The following TF variants were observed in gnomAD, a reference collection of about 807,000 sequenced individuals.
TF encodes the protein transferrin, also known as serotransferrin.
In TF, 55 loss-of-function variants were observed where a neutral mutation model predicts 82.4. That is an observed-to-expected ratio of 0.67 (90% CI 0.54 to 0.84). The LOEUF is 0.84. Ranked by LOEUF, TF falls within the 40% of genes least tolerant of loss-of-function variation. TF has a pLI of 0.00. For missense variants in TF, 737 were observed against 868.4 expected (o/e 0.85, Z 1.90); for synonymous variants, 332 against 332.6 (o/e 1.00, Z 0.02).
intron 9 of TF, 102 bp from the exon 10 acceptor site, chr3:133,764,080 C>A: frequency 1.1e-6 from 1 of 936,548 alleles, no homozygotes; most frequent in South Asian, 1.3e-5. Flanking sequence ...ATCTCCCTGG[C>A]ATTCATGTGC....
rs904852000 is a variant in TF, at chr3:133,755,211, A to G, written c.503-152A>G. The stretch of plus-strand genomic sequence containing the variant: ...AACTTGTTCCTATTAGAAATCCTTG[A>G]TCTTGATGAGTTAGCATAAGGGCAA... On this transcript the variant is annotated intron_variant, in intron 4 of 16. Transcript: ENST00000402696. The G allele has an allele frequency of 3.4e-5, 32 of 931,208 alleles. No individual in the cohort carries two copies. The African/African-American group carries it at 4.8e-4, about 14-fold the overall frequency. 57.7% of individuals were successfully genotyped at this position (931,208 alleles called of 1,614,324 possible).
chr3:133,751,941 C>T (rs576576451), intron 2 of TF, among the ~76,000 whole-genome samples: 3 of 152,006 alleles, frequency 2.0e-5, no homozygotes, highest in Admixed American at 6.5e-5. Flanking sequence ...TTACAGTGAG[C>T]CGAGATTGAG....
intron 14 of TF, among the ~76,000 whole-genome samples, chr3:133,771,828 C>T (rs1475040187): frequency 2.1e-5 from 3 of 145,156 alleles, no homozygotes; most frequent in African/African-American, 7.9e-5. Flanking sequence ...TAAAAACAAA[C>T]AAAACAAAGC....
chr3:133,715,735 T>C, the TF span, among the ~76,000 whole-genome samples: 1 of 152,200 alleles, frequency 6.6e-6, no homozygotes, highest in Non-Finnish European at 1.5e-5. Flanking sequence ...GGTTTTATTA[T>C]TGTTTTTCAA....
the TF span, among the ~76,000 whole-genome samples, chr3:133,674,454 C>CT: frequency 6.6e-6 from 1 of 152,220 alleles, no homozygotes; most frequent in Admixed American, 6.5e-5. Context: ...AAGCTGCTCG[C>CT]TGGCTGCCCC....
the TF span, among the ~76,000 whole-genome samples, chr3:133,675,964 G>A: frequency 6.6e-6 from 1 of 152,102 alleles, no homozygotes; most frequent in African/African-American, 2.4e-5. Flanking sequence ...TGAAAGAAAT[G>A]GGGTTAGAGG....
In TF at chr3:133,790,298, A is replaced by G. The variant is rs1304367464; in HGVS notation, c.*11678A>G. The G allele has an allele frequency of 1.3e-5, 2 of 152,200 alleles. No individual in the cohort carries two copies. The highest frequency in any genetic ancestry group is 3.8e-4 in the East Asian group (2 of 5,200). 9.4% of individuals were successfully genotyped at this position (152,200 alleles called of 1,614,324 possible). On this transcript the variant is annotated 3_prime_UTR_variant, in exon 17 of 17. Transcript: ENST00000402696. ...AAATTCCCATATCTGATAGTTCAGG[A>G]TTTCTAGCTTTTTAGCGTTTCACTA...
At chr3:133,669,233 C>T in the TF span, among the ~76,000 whole-genome samples, 15 of 152,212 alleles carry the variant, frequency 9.9e-5, no homozygotes, top group African/African-American at 2.6e-4. Flanking sequence ...AACTCCTGAC[C>T]TCAGGCGATC....
At chr3:133,696,513 A>C in the TF span, among the ~76,000 whole-genome samples, 1 of 152,180 alleles carries the variant, frequency 6.6e-6, no homozygotes, top group Non-Finnish European at 1.5e-5. Flanking sequence ...TTTAGTGCTC[A>C]GTTTGATTCA....
intron 10 of TF, 41 bp downstream of exon 10, chr3:133,764,316 G>A (rs1291325332): frequency 6.7e-7 from 1 of 1,503,584 alleles, no homozygotes; most frequent in Admixed American, 1.7e-5. Context: ...TCTTCCCTCA[G>A]GGCCATGGAG....
At chr3:133,755,015 C>T (rs1024719485) in intron 4 of TF, among the ~76,000 whole-genome samples, 1 of 152,200 alleles carries the variant, frequency 6.6e-6, no homozygotes, top group Non-Finnish European at 1.5e-5. Flanking sequence ...CTGCACCTCT[C>T]TTAAGCAGTT....
the TF span, among the ~76,000 whole-genome samples, chr3:133,663,524 C>T: frequency 6.6e-6 from 1 of 151,972 alleles, no homozygotes; most frequent in South Asian, 2.1e-4. Context: ...AGGTGCAAAT[C>T]TGACCTGAAT....
chr3:133,793,974 T>C lies in TF; in HGVS notation c.*15354T>C, dbSNP rs146125816. ...TACCAAGAAAATACTTTGCCAGATT[T>C]TCATGCTAAATCAGCTGATACTGAA... On this transcript the variant is annotated 3_prime_UTR_variant, in exon 17 of 17. Transcript: ENST00000402696. 1 of 152,336 alleles carries C rather than the reference T, an allele frequency of 6.6e-6. No homozygotes were observed. The highest frequency in any genetic ancestry group is 2.4e-5 in the African/African-American group (1 of 41,594). 9.4% of individuals were successfully genotyped at this position (152,336 alleles called of 1,614,324 possible).
Position 133,781,943 on chromosome 3 carries a change from T to C in TF, c.*3323T>C, listed in dbSNP as rs1213948787. 3.9e-5 allele frequency: 6 copies of C among 152,024 alleles called. No individual in the cohort carries two copies. Among genetic ancestry groups the C allele is most frequent in the African/African-American group, 1.4e-4 (6 of 41,406 alleles). The allele number at this position is 152,024 out of a possible 1,614,324, so 9.4% of individuals were successfully genotyped here. ...ATACAACAAATTGATAAAGAACTCA[T>C]ACAACTCAATAGCAGGAAAACAAAT... On this transcript the variant is annotated 3_prime_UTR_variant, in exon 17 of 17. Transcript: ENST00000402696.
the TF span, among the ~76,000 whole-genome samples, chr3:133,738,893 G>T: frequency 6.6e-6 from 1 of 152,178 alleles, no homozygotes; most frequent in Non-Finnish European, 1.5e-5. Flanking sequence ...ACTGCCCAAA[G>T]TAATTTACAG....
chr3:133,735,149 T>G, the TF span, among the ~76,000 whole-genome samples: 1 of 152,032 alleles, frequency 6.6e-6, no homozygotes, highest in Admixed American at 6.6e-5. Context: ...AAGACCAGCT[T>G]GGTCAAGATG....
At chr3:133,727,368 G>A in the TF span, among the ~76,000 whole-genome samples, 1 of 148,766 alleles carries the variant, frequency 6.7e-6, no homozygotes, top group Non-Finnish European at 1.5e-5. Context: ...ATTTAGGATA[G>A]TTAGCTCTTC....
chr3:133,675,016 C>T, the TF span, among the ~76,000 whole-genome samples: 2 of 151,944 alleles, frequency 1.3e-5, no homozygotes, highest in Non-Finnish European at 2.9e-5. Flanking sequence ...GAGGCCGAGG[C>T]GGTGTATCAC....
Position 133,792,616 on chromosome 3 carries a change from A to G in TF, c.*13996A>G, listed in dbSNP as rs1349949690. The G allele has an allele frequency of 6.6e-6, 1 of 152,238 alleles. No individual in the cohort carries two copies. Among genetic ancestry groups the G allele is most frequent in the Non-Finnish European group, 1.5e-5 (1 of 68,038 alleles). 9.4% of individuals were successfully genotyped at this position (152,238 alleles called of 1,614,324 possible). ...AAAACTCGCTAAGAGTTAACATTGT[A>G]ACATGTAAGTGAGACTACTGAAGCA... On this transcript the variant is annotated 3_prime_UTR_variant, in exon 17 of 17. Transcript: ENST00000402696.
Sources: allele counts gnomAD v4.1 joint callset (sites outside exome capture counted in the v4.1 genomes callset), GRCh38; gene constraint gnomAD v4.1.1; transcripts MANE v1.5; gene names NCBI Gene and HGNC (gene_info 2026-07-23, HGNC 2026-07-21).